ZZEF1: variants seen among roughly 807,000 people sequenced by gnomAD.
ZZEF1 encodes the protein zinc finger ZZ-type and EF-hand domain containing 1, also known as zinc finger ZZ-type and EF-hand domain-containing protein 1.
In ZZEF1, 157 loss-of-function variants were observed where a neutral mutation model predicts 342.8. That is an observed-to-expected ratio of 0.46 (90% CI 0.40 to 0.52). The LOEUF (loss-of-function observed/expected upper bound fraction) is 0.52. Among genes scored for constraint, ZZEF1 ranks in the 20% least tolerant of loss-of-function variants. The probability of loss-of-function intolerance (pLI) is 0.00; values close to 1 mark genes in which losing one functional copy is unlikely to be tolerated. For synonymous variants in ZZEF1, 1,505 were observed against 1,429.1 expected (o/e 1.05, Z -1.20); for missense variants, 3,480 against 3,725.6 (o/e 0.93, Z 1.72).
rs138910446 is a variant in ZZEF1 at position 4,017,548 on chromosome 17, G to A, written c.7824C>T (p.Phe2608=). ...GGACAGCTGTGGCCTCGTTCACTCG[G>A]AAGAGGTAGTCCCGGACAGCCCTCT... ...KSKRAVRDYL[F]RVNEATAVLY... is the part of the protein sequence containing the mutation. The change falls in exon 48 of 55, where the codon TTC becomes TTT. Residue 2608 remains phenylalanine (F), a synonymous_variant. Transcript: ENST00000381638. This position sits in a 1 kb window ranked among gnomAD's most constrained non-coding sequence, Gnocchi z 5.1. 1.2e-5 allele frequency: 19 copies of A among 1,614,274 alleles called. No individual in the cohort carries two copies. The Middle Eastern group carries it at 1.2e-3, about 98-fold the overall frequency.
chr17:4,004,829 G>T lies in ZZEF1; in HGVS notation c.*2061C>A, dbSNP rs2055768984. The T allele has an allele frequency of 3.9e-5, 6 of 152,274 alleles. No individual in the cohort carries two copies. The highest frequency in any genetic ancestry group is 3.9e-4 in the Admixed American group (6 of 15,288). The allele number at this position is 152,274 out of a possible 1,614,324, so 9.4% of individuals were successfully genotyped here. A position where few individuals can be genotyped will look rare whatever the true frequency, so the allele number is the denominator to read the frequency against. ...CGGTGGCCGGAGACAGAGGCGGCCG[G>T]GCCGAGCCGGGAGAGCAGCCGCGGG... On this transcript the variant is annotated 3_prime_UTR_variant, in exon 55 of 55. Transcript: ENST00000381638.
At chr17:4,011,643 T>C (rs768409460) in intron 52 of ZZEF1, among the ~76,000 whole-genome samples, 28 of 152,030 alleles carry the variant, frequency 1.8e-4, no homozygotes, top group Non-Finnish European at 3.5e-4. Context: ...AAATAAATAA[T>C]ATTCTAGAAC....
At chr17:4,023,919 C>T (rs1246213204) in intron 43 of ZZEF1, among the ~76,000 whole-genome samples, 1 of 152,142 alleles carries the variant, frequency 6.6e-6, no homozygotes, top group African/African-American at 2.4e-5. Context: ...TCTACAACTA[C>T]AAACTCCCAG....
intron 1 of ZZEF1, among the ~76,000 whole-genome samples, chr17:4,133,416 G>A (rs2058700265): frequency 6.6e-6 from 1 of 152,102 alleles, no homozygotes; most frequent in African/African-American, 2.4e-5. Context: ...CCCTTCCTTT[G>A]ACCAGATAAC....
At position 4,117,160 on chromosome 17, in the gene ZZEF1, G is replaced by A. The variant is rs2145514353; in HGVS notation, c.506C>T (p.Thr169Ile). The A allele has an allele frequency of 6.2e-7, 1 of 1,611,174 alleles. No individual in the cohort carries two copies. The highest frequency in any genetic ancestry group is 1.3e-5 in the African/African-American group (1 of 75,006). ...LQACSLVPGF[T>I]DIFSESKEGL... ...CTCCTTCGACTCTGAAAATATGTCT[G>A]TGAAACCTAAACAGATGAAATCCAT... The change falls in exon 3 of 55, where the codon ACA (threonine) becomes ATA (isoleucine). Residue 169 changes from threonine to isoleucine, a missense_variant. Transcript: ENST00000381638.
intron 6 of ZZEF1, among the ~76,000 whole-genome samples, chr17:4,108,676 G>C (rs558081257): frequency 6.6e-6 from 1 of 152,202 alleles, no homozygotes; most frequent in African/African-American, 2.4e-5. Flanking sequence ...CAGCAGGAAC[G>C]ATGGGGCACA....
At position 4,114,473 on chromosome 17, in the gene ZZEF1, G is replaced by T. The variant is rs1252750936; in HGVS notation, c.695-3C>A. 1.3e-6 allele frequency: 2 copies of T among 1,513,844 alleles called. No individual in the cohort carries two copies. The highest frequency in any genetic ancestry group is 2.8e-5 in the African/African-American group (2 of 70,914). The allele number at this position is 1,513,844 out of a possible 1,614,324, so 93.8% of individuals were successfully genotyped here. A position where few individuals can be genotyped will look rare whatever the true frequency, so the allele number is the denominator to read the frequency against. ...TCTAGTTAGATCTCCAGGGCTTTCT[G>T]TAGGGGAAACCAGAGTTGATTATAT... On this transcript the variant is annotated splice_region_variant and splice_polypyrimidine_tract_variant and intron_variant, in intron 3 of 54. Coordinates refer to ENST00000381638, the MANE Select transcript of ZZEF1 (RefSeq NM_015113.4).
chr17:4,100,458 G>A (rs977648511), intron 9 of ZZEF1, among the ~76,000 whole-genome samples: 2 of 152,104 alleles, frequency 1.3e-5, no homozygotes, highest in African/African-American at 4.8e-5. Flanking sequence ...AATCTAAGGA[G>A]GGGAAAAAGC....
Position 4,008,969 on chromosome 17 carries a change from C to A in ZZEF1, c.8734-15G>T. 6.5e-7 allele frequency: 1 copy of A among 1,539,022 alleles called. No homozygotes were observed. Among genetic ancestry groups the A allele is most frequent in the South Asian group, 1.2e-5 (1 of 84,054 alleles). Reference sequence around the variant, plus strand: ...ACGCCAAGCTCCTGCAGAGAGAGAGCAGGGGCTGTGAGTGACAGCGCCAGA... The same window carrying A: ...ACGCCAAGCTCCTGCAGAGAGAGAGAAGGGGCTGTGAGTGACAGCGCCAGA... On this transcript the variant is annotated splice_polypyrimidine_tract_variant and intron_variant, in intron 53 of 54. Transcript: ENST00000381638. The surrounding 1 kb of genome is among the most constrained non-coding windows in gnomAD (Gnocchi z 4.2).
intron 27 of ZZEF1, 49 bp downstream of exon 27, chr17:4,067,114 C>G: frequency 6.8e-7 from 1 of 1,462,548 alleles, no homozygotes; most frequent in Non-Finnish European, 9.5e-7. Context: ...CATGATATCA[C>G]GGTAGAAAAC....
intron 5 of ZZEF1, among the ~76,000 whole-genome samples, chr17:4,110,368 A>G (rs577778243): frequency 6.6e-6 from 1 of 152,344 alleles, no homozygotes; most frequent in Admixed American, 6.5e-5. Context: ...AGAGAAGGTA[A>G]GAATTTAAAA....
In ZZEF1 at chr17:4,058,269, T is replaced by C. The variant is rs975516083; in HGVS notation, c.5004-114A>G. The C allele has an allele frequency of 7.7e-5, 89 of 1,150,840 alleles. No homozygotes were observed. In the African/African-American group the frequency reaches 1.3e-3, roughly 17 times the overall value. 71.3% of individuals were successfully genotyped at this position (1,150,840 alleles called of 1,614,324 possible). ...ATTGAAAGCAGAAGGGAACTTCACA[T>C]TGCTGGTTTGGGTTCCTTTCAAATT... On this transcript the variant is annotated intron_variant, in intron 31 of 54. Coordinates refer to ENST00000381638, the MANE Select transcript of ZZEF1 (RefSeq NM_015113.4).
At chr17:4,077,413 C>T (rs1465265867) in intron 19 of ZZEF1, among the ~76,000 whole-genome samples, 1 of 152,124 alleles carries the variant, frequency 6.6e-6, no homozygotes, top group African/African-American at 2.4e-5. Context: ...ACATTTTCCA[C>T]GTATAATTTG....
At chr17:4,126,470 C>T (rs1025655395) in intron 1 of ZZEF1, among the ~76,000 whole-genome samples, 2 of 152,080 alleles carry the variant, frequency 1.3e-5, no homozygotes, top group Non-Finnish European at 2.9e-5. Context: ...GCAACAGCTA[C>T]AAAATTTTGG....
intron 4 of ZZEF1, among the ~76,000 whole-genome samples, chr17:4,113,022 T>C (rs771762389): frequency 2.0e-5 from 3 of 152,228 alleles, no homozygotes; most frequent in Non-Finnish European, 4.4e-5. Flanking sequence ...AGATTAATCT[T>C]ACGATTCCTT....
At chr17:4,031,023 A>G (rs1439584235) in intron 42 of ZZEF1, among the ~76,000 whole-genome samples, 2 of 152,148 alleles carry the variant, frequency 1.3e-5, no homozygotes, top group Admixed American at 1.3e-4. Flanking sequence ...TACTAAAAAT[A>G]CAAACGTTAG....
chr17:4,102,108 G>A (rs1002745544), intron 9 of ZZEF1, among the ~76,000 whole-genome samples: 3 of 151,942 alleles, frequency 2.0e-5, no homozygotes. Flanking sequence ...AAAACTTCAG[G>A]CTCTCAAATA....
In ZZEF1 at chr17:4,033,722, C is replaced by T. The variant is rs1452793450; in HGVS notation, c.6584+293G>A. The T allele has an allele frequency of 2.1e-5, 8 of 387,438 alleles. No homozygotes were observed. In the Admixed American group the frequency reaches 3.2e-4, roughly 16 times the overall value. 24.0% of individuals were successfully genotyped at this position (387,438 alleles called of 1,614,324 possible). A position where few individuals can be genotyped will look rare whatever the true frequency, so the allele number is the denominator to read the frequency against. On this transcript the variant is annotated intron_variant, in intron 40 of 54. Transcript: ENST00000381638. ...TTTACAACGAAAACAGATTTATTTG[C>T]TTCAACCTCAAGGCCCACACTTACC...
chr17:4,050,983 C>G lies in ZZEF1; in HGVS notation c.5661G>C (p.Arg1887=). ...HPMVTIRISD[R]QRLIQPYIHN... is the part of the protein sequence containing the mutation. ...GGATATATGGCTGGATGAGCCTCTG[C>G]CGGTCACTGATCCGAATGGTTACCA... is the stretch of plus-strand genomic sequence containing the variant. Residue 1887 remains arginine (R), a synonymous_variant, in exon 36 of 55, where the codon CGG becomes CGC. Coordinates refer to ENST00000381638, the MANE Select transcript of ZZEF1 (RefSeq NM_015113.4). 1.2e-6 allele frequency: 2 copies of G among 1,614,190 alleles called. No homozygotes were observed. The highest frequency in any genetic ancestry group is 1.7e-6 in the Non-Finnish European group (2 of 1,180,026).
Sources: gnomAD v4.1 joint callset for allele counts (sites outside exome capture counted in the v4.1 genomes callset) on GRCh38, gnomAD v4.1.1 for gene constraint, Gnocchi (gnomAD v3.1) non-coding constraint, MANE v1.5 for transcripts, NCBI Gene and HGNC (gene_info 2026-07-23, HGNC 2026-07-21) for gene names.